The following CTNNA1 variants were observed in gnomAD, a reference collection of about 807,000 sequenced individuals.
CTNNA1 encodes catenin alpha-1.
CTNNA1 carries 37 observed loss-of-function variants against 98.4 expected under a neutral mutation model. The ratio of observed to expected loss-of-function variants is 0.38; its 90% confidence interval spans 0.29 to 0.49. The LOEUF (loss-of-function observed/expected upper bound fraction) is 0.49. CTNNA1 is among the 20% of genes least tolerant of loss of function. The pLI, the probability that CTNNA1 is intolerant of heterozygous loss-of-function variation, is 0.95. For synonymous variants in CTNNA1, 404 were observed against 413.2 expected, an observed-to-expected ratio of 0.98 and a Z score of 0.27; for missense variants, 761 against 1,147.2, an observed-to-expected ratio of 0.66 and a Z score of 4.86.
Position 138,932,897 on chromosome 5 carries a change from A to G in CTNNA1, c.2433+185A>G, listed in dbSNP as rs779444289. Reference sequence around the variant, plus strand: ...CATCTGTTCCCTGTAGAACTGTGACACCTGCGGGGCACTGCAAGGGCTGAA... The same window carrying G: ...CATCTGTTCCCTGTAGAACTGTGACGCCTGCGGGGCACTGCAAGGGCTGAA... On this transcript the variant is annotated intron_variant, in intron 17 of 17. Transcript: ENST00000302763. 13 of 831,398 alleles carry G rather than the reference A, an allele frequency of 1.6e-5. No individual in the cohort carries two copies. In the Admixed American group the frequency reaches 1.7e-4, roughly 11 times the overall value. The allele number at this position is 831,398 out of a possible 1,614,324, so 51.5% of individuals were successfully genotyped here. A position where few individuals can be genotyped will look rare whatever the true frequency, so the allele number is the denominator to read the frequency against.
chr5:138,756,795 G>A (rs73790337), intron 1 of CTNNA1, among the ~76,000 whole-genome samples: 5,795 of 152,232 alleles, frequency 0.038, 299 homozygotes, highest in African/African-American at 0.12. Context: ...GCTTGGAGAA[G>A]GCTTGTGTTT....
chr5:138,822,952 CTAATTGAG>C (rs1473769867), intron 5 of CTNNA1, among the ~76,000 whole-genome samples: 1 of 152,156 alleles, frequency 6.6e-6, no homozygotes, highest in Admixed American at 6.5e-5. Flanking sequence ...AGTCAGATGG[CTAATTGAG>C]TAATTGACTT....
chr5:138,908,014 G>T (rs548167282), intron 10 of CTNNA1, among the ~76,000 whole-genome samples: 8 of 151,240 alleles, frequency 5.3e-5, no homozygotes, highest in African/African-American at 1.9e-4. Flanking sequence ...GTCTCGCTCT[G>T]TCACCCAGGC....
chr5:138,796,686 A>C lies in CTNNA1; in HGVS notation c.301+13314A>C, dbSNP rs1286464421. Among the ~76,000 whole-genome samples the C allele has an allele frequency of 2.0e-5, 3 of 152,208 alleles. No homozygotes were observed. In the East Asian group the frequency reaches 5.8e-4, roughly 29 times the overall value. ...GGGAGAAGGGAGAGTTGGAATTCCA[A>C]GTATGCTCATGAAACTGATCCTGAA... On this transcript the variant is annotated intron_variant, in intron 3 of 17. Coordinates refer to ENST00000302763, the MANE Select transcript of CTNNA1 (RefSeq NM_001903.5).
chr5:138,811,072 T>C (rs1758685855), intron 4 of CTNNA1, among the ~76,000 whole-genome samples: 1 of 151,116 alleles, frequency 6.6e-6, no homozygotes, highest in South Asian at 2.1e-4. Context: ...CGCTCCTCAC[T>C]TCCCAGACGG....
intron 7 of CTNNA1, among the ~76,000 whole-genome samples, chr5:138,834,285 T>G (rs1185711602): frequency 6.6e-6 from 1 of 152,262 alleles, no homozygotes; most frequent in Non-Finnish European, 1.5e-5. Flanking sequence ...GTGTTCATTA[T>G]ATATTGTCCA....
chr5:138,797,626 G>A (rs1038049732), intron 3 of CTNNA1, among the ~76,000 whole-genome samples: 7 of 152,116 alleles, frequency 4.6e-5, no homozygotes, highest in Non-Finnish European at 1.0e-4. Context: ...TTTGGGGAAG[G>A]AGATATAACT....
chr5:138,858,965 G>C (rs1454673801), intron 7 of CTNNA1, among the ~76,000 whole-genome samples: 3 of 152,148 alleles, frequency 2.0e-5, no homozygotes, highest in Admixed American at 6.5e-5. Context: ...CTGCTTTTCT[G>C]ATTGTTCGTG....
chr5:138,835,120 C>G (rs773923009), intron 7 of CTNNA1, among the ~76,000 whole-genome samples: 4 of 152,100 alleles, frequency 2.6e-5, no homozygotes, highest in Non-Finnish European at 5.9e-5. Flanking sequence ...AGGAACAAAT[C>G]GCAGTGGTGG....
chr5:138,791,716 G>A (rs964748381), intron 3 of CTNNA1, among the ~76,000 whole-genome samples: 5 of 144,788 alleles, frequency 3.5e-5, no homozygotes, highest in African/African-American at 1.3e-4. Flanking sequence ...CTGTGAGTTT[G>A]CAAGCATCTG....
chr5:138,932,363 G>T (rs1160939942), intron 16 of CTNNA1: 1 of 1,397,068 alleles, frequency 7.2e-7, no homozygotes, highest in Non-Finnish European at 9.3e-7. Flanking sequence ...GGCGCAGTCA[G>T]GGTCCCATGG....
chr5:138,907,255 C>T (rs1313456871), intron 10 of CTNNA1, among the ~76,000 whole-genome samples: 1 of 152,214 alleles, frequency 6.6e-6, no homozygotes, highest in African/African-American at 2.4e-5. Flanking sequence ...CTCCTGGCCT[C>T]AAGTGATGCC....
chr5:138,874,305 G>T lies in CTNNA1; in HGVS notation c.1063-11907G>T. Reference sequence around the variant, plus strand: ...TGATCTAAGTGGAGCCAAGTAAGTTGACTGAAGCTGGCAAATTGATCTCTT... The same window carrying T: ...TGATCTAAGTGGAGCCAAGTAAGTTTACTGAAGCTGGCAAATTGATCTCTT... On this transcript the variant is annotated intron_variant, in intron 7 of 17. Coordinates refer to ENST00000302763, the MANE Select transcript of CTNNA1 (RefSeq NM_001903.5). This position sits in a 1 kb window ranked among gnomAD's most constrained non-coding sequence, Gnocchi z 4.1. 6.2e-7 allele frequency: 1 copy of T among 1,614,006 alleles called. No individual in the cohort carries two copies. The highest frequency in any genetic ancestry group is 1.1e-5 in the South Asian group (1 of 91,050).
chr5:138,761,050 C>T (rs1277713591), intron 1 of CTNNA1, among the ~76,000 whole-genome samples: 2 of 152,174 alleles, frequency 1.3e-5, no homozygotes, highest in African/African-American at 4.8e-5. Context: ...AGGGATCTGC[C>T]TTGTCAACTG....
chr5:138,858,842 G>A lies in CTNNA1; in HGVS notation c.1063-27370G>A, dbSNP rs577177642. Among the ~76,000 whole-genome samples, 7 of 152,118 alleles carry A rather than the reference G, an allele frequency of 4.6e-5. No individual in the cohort carries two copies. In the East Asian group the frequency reaches 5.8e-4, roughly 13 times the overall value. The stretch of plus-strand genomic sequence containing the variant: ...CTGAACTCCTGACCTCAAGTGATCC[G>A]CCTGCCTCGGCCTCCCAGGGTGCTG... On this transcript the variant is annotated intron_variant, in intron 7 of 17. Transcript: ENST00000302763.
chr5:138,847,929 G>A (rs1284734241), intron 7 of CTNNA1, among the ~76,000 whole-genome samples: 3 of 152,092 alleles, frequency 2.0e-5, no homozygotes, highest in African/African-American at 7.2e-5. Context: ...GAACTTGTTG[G>A]GAGCACTTAT....
At chr5:138,863,965 A>G (rs1001153456) in intron 7 of CTNNA1, among the ~76,000 whole-genome samples, 1 of 151,932 alleles carries the variant, frequency 6.6e-6, no homozygotes, top group African/African-American at 2.4e-5. Context: ...CTCAAACACC[A>G]GTCTTTTTTT....
intron 9 of CTNNA1, among the ~76,000 whole-genome samples, chr5:138,896,200 G>A (rs1218719609): frequency 6.6e-6 from 1 of 152,134 alleles, no homozygotes; most frequent in African/African-American, 2.4e-5. Context: ...CAGTGTCAGG[G>A]AGTCTGTGTG....
chr5:138,822,694 T>C (rs1256181298), intron 5 of CTNNA1, among the ~76,000 whole-genome samples: 2 of 152,208 alleles, frequency 1.3e-5, no homozygotes, highest in Non-Finnish European at 2.9e-5. Flanking sequence ...GGTCCTGTTT[T>C]TGAATATTTA....
Sources: allele counts gnomAD v4.1 joint callset (sites outside exome capture counted in the v4.1 genomes callset), GRCh38; gene constraint gnomAD v4.1.1; non-coding constraint Gnocchi (gnomAD v3.1); transcripts MANE v1.5; gene names NCBI Gene and HGNC (gene_info 2026-07-23, HGNC 2026-07-21).